Variants in ANKRD2 observed in about 807,000 individuals in gnomAD.
ANKRD2 encodes ankyrin repeat domain 2, also known as ankyrin repeat domain-containing protein 2.
Under a neutral mutation model 37.3 loss-of-function variants are expected in ANKRD2, and 35 were observed. The observed-to-expected ratio is 0.94, with a 90% CI of 0.72 to 1.24. The LOEUF is 1.24. ANKRD2 is among the 50% of genes most tolerant of loss of function. ANKRD2 has a pLI of 0.00. For synonymous variants in ANKRD2, 159 were observed against 186.5 expected, an observed-to-expected ratio of 0.85 and a Z score of 1.20; for missense variants, 410 against 445.6, an observed-to-expected ratio of 0.92 and a Z score of 0.72.
intron 2 of ANKRD2, 97 bp from the exon 3 acceptor site, chr10:97,578,143 T>TTGG: frequency 2.0e-5 from 15 of 755,882 alleles, no homozygotes; most frequent in East Asian, 2.7e-5. Context: ...AGGGTCTTCC[T>TTGG]GCCCACCCCA....
At chr10:97,581,210 T>C (rs2040893780) in intron 5 of ANKRD2, 106 bp from the exon 6 acceptor site, 45 of 1,203,414 alleles carry the variant, frequency 3.7e-5, no homozygotes, top group Non-Finnish European at 5.4e-5. Flanking sequence ...GCCTGCTCCC[T>C]GTACCTTTCC....
At position 97,578,621 on chromosome 10, in the gene ANKRD2, G is replaced by A. The variant is rs1163410130; in HGVS notation, c.456+16G>A. On this transcript the variant is annotated intron_variant, in intron 4 of 8. Transcript: ENST00000370655. ...GTGCGACCAGGTGATGCTCCTAGCC[G>A]CCCCTGACCAGCCTCCCTGTCAGTT... is the stretch of plus-strand genomic sequence containing the variant. 2.6e-6 allele frequency: 4 copies of A among 1,533,480 alleles called. No homozygotes were observed. The highest frequency in any genetic ancestry group is 1.4e-5 in the African/African-American group (1 of 72,750). The allele number at this position is 1,533,480 out of a possible 1,614,324, so 95.0% of individuals were successfully genotyped here. A position where few individuals can be genotyped will look rare whatever the true frequency, so the allele number is the denominator to read the frequency against.
chr10:97,572,838 T>C lies in ANKRD2; in HGVS notation c.50T>C (p.Leu17Pro). ...GAGGCGGTGCAGAGGGCCACAGCGC[T>C]CATCGAGCAGCGGCTGGCACAGGAG... Reference protein sequence around the residue: ...DSEAVQRATALIEQRLAQEEE... With the variant: ...DSEAVQRATAPIEQRLAQEEE... The change falls in exon 1 of 9, where the codon CTC (leucine) becomes CCC (proline). Residue 17 changes from leucine to proline, a missense_variant. Transcript: ENST00000370655. 1 of 1,560,658 alleles carries C rather than the reference T, an allele frequency of 6.4e-7. No individual in the cohort carries two copies. Among genetic ancestry groups the C allele is most frequent in the South Asian group, 1.2e-5 (1 of 84,680 alleles).
At chr10:97,582,247 C>T (rs992466480) in intron 6 of ANKRD2, 68 bp from the exon 7 acceptor site, 3 of 1,369,498 alleles carry the variant, frequency 2.2e-6, no homozygotes, top group Admixed American at 4.0e-5. Context: ...TTAGGACAGC[C>T]CCCGCCTTCC....
Position 97,581,316 on chromosome 10 carries a change from C to A in ANKRD2, c.556C>A (p.Leu186Met). 1 of 1,613,792 alleles carries A rather than the reference C, an allele frequency of 6.2e-7. No individual in the cohort carries two copies. The highest frequency in any genetic ancestry group is 8.5e-7 in the Non-Finnish European group (1 of 1,179,832). Residue 186 changes from leucine to methionine, a missense_variant and splice_region_variant, in exon 6 of 9, where the codon CTG (leucine) becomes ATG (methionine). Coordinates refer to ENST00000370655, the MANE Select transcript of ANKRD2 (RefSeq NM_001346793.2). ...NGATVDFQDR[L>M]DCTAMHWACR... is the part of the protein sequence containing the mutation. The stretch of plus-strand genomic sequence containing the variant: ...GTTAGACCCCCTCATTTCTTTCTAG[C>A]TGGACTGCACAGCCATGCATTGGGC...
At chr10:97,572,732 G>A (rs1380166065), upstream of ANKRD2, 5 of 1,604,554 alleles carry the variant, frequency 3.1e-6, no homozygotes, top group African/African-American at 1.3e-5. Flanking sequence ...CAGCTGGGCA[G>A]GGGTGGGTGC....
intron 1 of ANKRD2, 84 bp from the exon 2 acceptor site, chr10:97,577,716 T>C (rs10786357): frequency 0.98 from 1,082,190 of 1,106,590 alleles, 529,562 homozygotes; most frequent in Non-Finnish European, 0.99. Context: ...GGAGGATGTC[T>C]CTGTGGGGTG....
At chr10:97,575,168 G>A (rs1203063677) in intron 1 of ANKRD2, among the ~76,000 whole-genome samples, 2 of 152,216 alleles carry the variant, frequency 1.3e-5, no homozygotes, top group Non-Finnish European at 2.9e-5. Context: ...AAGGGCTGTA[G>A]GGTCTGAGGA....
rs2040851429 is a variant in ANKRD2 at position 97,578,267 on chromosome 10, C to T, written c.217C>T (p.Leu73=). ...KGQERVRKTS[L]DLRREIIDVG... Reference sequence around the variant, plus strand: ...CCAAGAGCGCGTGCGCAAGACGTCCCTGGACCTGCGGCGGGAGATCATCGA... The same window carrying T: ...CCAAGAGCGCGTGCGCAAGACGTCCTTGGACCTGCGGCGGGAGATCATCGA... The change falls in exon 3 of 9, where the codon CTG becomes TTG. Residue 73 remains leucine (L), a synonymous_variant. Coordinates refer to ENST00000370655, the MANE Select transcript of ANKRD2 (RefSeq NM_001346793.2). The T allele has an allele frequency of 6.2e-7, 1 of 1,612,924 alleles. No individual in the cohort carries two copies. The highest frequency in any genetic ancestry group is 1.1e-5 in the South Asian group (1 of 91,064).
chr10:97,583,751 C>T lies in ANKRD2; in HGVS notation c.*26C>T. On this transcript the variant is annotated 3_prime_UTR_variant, in exon 9 of 9. Coordinates refer to ENST00000370655, the MANE Select transcript of ANKRD2 (RefSeq NM_001346793.2). ...ATGCGTGCCCCAGCCCAGCCAGCTACCCAGCCCCTCTCTGTGTGCAGCCGG... is the reference window on the plus strand; with the variant it reads ...ATGCGTGCCCCAGCCCAGCCAGCTATCCAGCCCCTCTCTGTGTGCAGCCGG... The T allele has an allele frequency of 6.7e-7, 1 of 1,483,866 alleles. No individual in the cohort carries two copies. Among genetic ancestry groups the T allele is most frequent in the South Asian group, 1.4e-5 (1 of 71,328 alleles). The allele number at this position is 1,483,866 out of a possible 1,614,324, so 91.9% of individuals were successfully genotyped here.
intron 1 of ANKRD2, among the ~76,000 whole-genome samples, chr10:97,576,135 C>T (rs1183441020): frequency 2.0e-5 from 3 of 152,134 alleles, no homozygotes; most frequent in Non-Finnish European, 2.9e-5. Context: ...CCTGGGAAAT[C>T]GGCTCTCAAA....
At chr10:97,577,758 T>C in intron 1 of ANKRD2, 42 bp from the exon 2 acceptor site, 1 of 1,483,900 alleles carries the variant, frequency 6.7e-7, no homozygotes, top group Non-Finnish European at 9.1e-7. Flanking sequence ...AGGCTGCCTG[T>C]CTCCTCGGGT....
At chr10:97,581,474 G>C (rs1179966375) in intron 6 of ANKRD2, 60 bp downstream of exon 6, 6 of 1,552,708 alleles carry the variant, frequency 3.9e-6, no homozygotes, top group Non-Finnish European at 5.3e-6. Context: ...GAAAGGCAGG[G>C]GTCCAAGGGC....
intron 4 of ANKRD2, 52 bp downstream of exon 4, chr10:97,578,657 C>T (rs767364389): frequency 1.9e-4 from 253 of 1,360,008 alleles, no homozygotes; most frequent in Non-Finnish European, 1.4e-4. Flanking sequence ...GCCACCCCCA[C>T]TCCGTTCGGC....
intron 4 of ANKRD2, among the ~76,000 whole-genome samples, chr10:97,578,967 T>C (rs2040863795): frequency 6.6e-6 from 1 of 152,108 alleles, no homozygotes; most frequent in Non-Finnish European, 1.5e-5. Context: ...TCTCCATGCC[T>C]CAGTTTCCTC....
Position 97,583,853 on chromosome 10 carries a change from A to G in ANKRD2, c.*128A>G. 1 of 1,053,866 alleles carries G rather than the reference A, an allele frequency of 9.5e-7. No individual in the cohort carries two copies. Among genetic ancestry groups the G allele is most frequent in the Non-Finnish European group, 1.3e-6 (1 of 796,490 alleles). 65.3% of individuals were successfully genotyped at this position (1,053,866 alleles called of 1,614,324 possible). ...GCATGATCCAGGAGCACATACCACA[A>G]ACTACCACAATAAAAAAGCTGTTTT... On this transcript the variant is annotated 3_prime_UTR_variant, in exon 9 of 9. Transcript: ENST00000370655.
rs745829631 is a variant in ANKRD2, at chr10:97,580,847, G to A, written c.457-8G>A. ...GAGGCCAGGCCCTGACAGCCTCTCTGGGGACAGTTCCGTCGGACAGCACTG... is the reference window on the plus strand; with the variant it reads ...GAGGCCAGGCCCTGACAGCCTCTCTAGGGACAGTTCCGTCGGACAGCACTG... On this transcript the variant is annotated splice_region_variant and splice_polypyrimidine_tract_variant and intron_variant, in intron 4 of 8. Coordinates refer to ENST00000370655, the MANE Select transcript of ANKRD2 (RefSeq NM_001346793.2). 6.2e-7 allele frequency: 1 copy of A among 1,607,220 alleles called. No individual in the cohort carries two copies. The highest frequency in any genetic ancestry group is 1.1e-5 in the South Asian group (1 of 89,772).
chr10:97,576,527 TC>T, intron 1 of ANKRD2, among the ~76,000 whole-genome samples: 1 of 151,764 alleles, frequency 6.6e-6, no homozygotes, highest in Admixed American at 6.6e-5. Context: ...ACTTCACAGA[TC>T]AGTGAAATCT....
chr10:97,576,799 T>C (rs2040832077), intron 1 of ANKRD2, among the ~76,000 whole-genome samples: 1 of 151,864 alleles, frequency 6.6e-6, no homozygotes, highest in Non-Finnish European at 1.5e-5. Context: ...TGGGTTCAAG[T>C]GATTCTTGTG....
Sources: gnomAD v4.1 joint callset for allele counts (sites outside exome capture counted in the v4.1 genomes callset) on GRCh38, gnomAD v4.1.1 for gene constraint, MANE v1.5 for transcripts, NCBI Gene and HGNC (gene_info 2026-07-23, HGNC 2026-07-21) for gene names.